The following SUPT3H variants were observed in gnomAD, a reference collection of about 807,000 sequenced individuals.
SUPT3H encodes the protein SPT3 homolog, SAGA and STAGA complex component.
SUPT3H carries 44 observed loss-of-function variants against 44.3 expected under a neutral mutation model. The observed-to-expected ratio is 0.99, with a 90% CI of 0.78 to 1.28. The LOEUF (loss-of-function observed/expected upper bound fraction) is 1.28. Ranked by LOEUF, SUPT3H falls within the 50% of genes most tolerant of loss-of-function variation. The pLI, the probability that SUPT3H is intolerant of heterozygous loss-of-function variation, is 0.00. For missense variants in SUPT3H, 380 were observed against 387.1 expected, an observed-to-expected ratio of 0.98 and a Z score of 0.15; for synonymous variants, 124 against 125.6, an observed-to-expected ratio of 0.99 and a Z score of 0.09.
chr6:45,157,762 T>C (rs1208259908), intron 2 of SUPT3H, among the ~76,000 whole-genome samples: 2 of 151,626 alleles, frequency 1.3e-5, no homozygotes, highest in African/African-American at 4.8e-5. Context: ...TTGGTAAGGC[T>C]GGTCTCAAAC....
At chr6:44,888,376 G>A (rs1390385449) in intron 10 of SUPT3H, among the ~76,000 whole-genome samples, 1 of 151,972 alleles carries the variant, frequency 6.6e-6, no homozygotes, top group Non-Finnish European at 1.5e-5. Context: ...ATAAAATACT[G>A]GCAAACCGAA....
At chr6:44,887,959 T>A (rs1477796169) in intron 10 of SUPT3H, among the ~76,000 whole-genome samples, 1 of 152,054 alleles carries the variant, frequency 6.6e-6, no homozygotes, top group Non-Finnish European at 1.5e-5. Context: ...CCCACAGAAA[T>A]ACAAACTACC....
At chr6:45,090,601 G>GA (rs1461065124) in intron 3 of SUPT3H, among the ~76,000 whole-genome samples, 3 of 151,364 alleles carry the variant, frequency 2.0e-5, no homozygotes, top group Non-Finnish European at 3.0e-5. Flanking sequence ...TGCTTTTAGT[G>GA]AAAAAAAGAA....
intron 6 of SUPT3H, among the ~76,000 whole-genome samples, chr6:44,991,689 A>C (rs1780637010): frequency 6.6e-6 from 1 of 152,116 alleles, no homozygotes; most frequent in Non-Finnish European, 1.5e-5. Context: ...AATTACATTA[A>C]ACAGCTTGAT....
intron 6 of SUPT3H, among the ~76,000 whole-genome samples, chr6:44,991,715 A>T (rs945138981): frequency 5.3e-5 from 8 of 152,140 alleles, no homozygotes; most frequent in Admixed American, 4.6e-4. Flanking sequence ...CATTTTCTAT[A>T]AAGTAGTGGC....
chr6:45,207,837 T>A (rs556042490), intron 2 of SUPT3H, among the ~76,000 whole-genome samples: 1 of 152,312 alleles, frequency 6.6e-6, no homozygotes, highest in Admixed American at 6.5e-5. Context: ...CACCCTCTCC[T>A]GGAGCCTACC....
At chr6:45,019,879 C>A (rs934368844) in intron 4 of SUPT3H, among the ~76,000 whole-genome samples, 2 of 151,786 alleles carry the variant, frequency 1.3e-5, no homozygotes, top group African/African-American at 4.8e-5. Context: ...TTGTAATATT[C>A]TTCATATCAT....
At chr6:45,195,295 C>T (rs564032349) in intron 2 of SUPT3H, among the ~76,000 whole-genome samples, 1 of 152,168 alleles carries the variant, frequency 6.6e-6, no homozygotes, top group East Asian at 1.9e-4. Context: ...GCTTTCCAAC[C>T]CATGCCCTTA....
Position 45,062,205 on chromosome 6 carries a change from T to C in SUPT3H, c.187-41573A>G, listed in dbSNP as rs142080856. ...CCATAATAAAGTTGTTGTAATACTG[T>C]TGGGAAAAGTTATTACATTCATCTT... On this transcript the variant is annotated intron_variant, in intron 3 of 10. Transcript: ENST00000371459. Among the ~76,000 whole-genome samples, 160 of 152,166 alleles carry C rather than the reference T, an allele frequency of 1.1e-3. 2 individuals are homozygous for C. Among genetic ancestry groups the C allele is most frequent in the Admixed American group, 9.2e-3 (141 of 15,270 alleles).
intron 11 of SUPT3H, among the ~76,000 whole-genome samples, chr6:44,814,330 G>A (rs1766753524): frequency 1.3e-5 from 2 of 152,286 alleles, no homozygotes; most frequent in South Asian, 4.1e-4. Flanking sequence ...TTCACTGCTT[G>A]AACCCTAAAG....
At chr6:45,019,554 C>G (rs1255244534) in intron 4 of SUPT3H, among the ~76,000 whole-genome samples, 1 of 152,010 alleles carries the variant, frequency 6.6e-6, no homozygotes, top group Non-Finnish European at 1.5e-5. Flanking sequence ...TTGTTCTATG[C>G]TTACACTTAG....
intron 10 of SUPT3H, among the ~76,000 whole-genome samples, chr6:44,840,285 G>A (rs2153415735): frequency 6.6e-6 from 1 of 152,250 alleles, no homozygotes; most frequent in South Asian, 2.1e-4. Flanking sequence ...TTAGGAGAAG[G>A]GCAAATGGAC....
chr6:45,154,978 G>C (rs1469501605), intron 2 of SUPT3H, among the ~76,000 whole-genome samples: 1 of 152,058 alleles, frequency 6.6e-6, no homozygotes, highest in Non-Finnish European at 1.5e-5. Context: ...AGAAGGTAGT[G>C]TTTGATCTGC....
intron 2 of SUPT3H, among the ~76,000 whole-genome samples, chr6:45,180,004 G>T (rs1375497182): frequency 2.0e-5 from 3 of 152,118 alleles, no homozygotes; most frequent in South Asian, 2.1e-4. Context: ...AAGCTGATAA[G>T]CAACTTCAGC....
intron 2 of SUPT3H, among the ~76,000 whole-genome samples, chr6:45,312,690 G>C (rs932856351): frequency 4.4e-5 from 6 of 135,604 alleles, no homozygotes; most frequent in Non-Finnish European, 8.0e-5. Context: ...TGTGGGGGGG[G>C]GGGGGGACTT....
intron 2 of SUPT3H, among the ~76,000 whole-genome samples, chr6:45,280,132 G>A (rs1287478549): frequency 2.6e-5 from 4 of 152,022 alleles, no homozygotes; most frequent in African/African-American, 4.8e-5. Flanking sequence ...TGTCTAACAC[G>A]GGAAGCCAAA....
At chr6:44,893,732 T>C (rs1422649383) in intron 10 of SUPT3H, among the ~76,000 whole-genome samples, 1 of 146,690 alleles carries the variant, frequency 6.8e-6, no homozygotes, top group African/African-American at 2.5e-5. Flanking sequence ...TTTGGGTATA[T>C]ACCCAGTAAT....
intron 3 of SUPT3H, among the ~76,000 whole-genome samples, chr6:45,068,894 T>C (rs895469790): frequency 5.3e-5 from 8 of 151,994 alleles, no homozygotes; most frequent in African/African-American, 1.9e-4. Context: ...GTTCCATTGA[T>C]GTCACTACTT....
chr6:45,094,043 T>C (rs2153564668), intron 3 of SUPT3H, among the ~76,000 whole-genome samples: 1 of 152,292 alleles, frequency 6.6e-6, no homozygotes, highest in East Asian at 1.9e-4. Flanking sequence ...AATTTCAAGA[T>C]GGCGCAAATC....
Sources: allele counts gnomAD v4.1 joint callset (sites outside exome capture counted in the v4.1 genomes callset), GRCh38; gene constraint gnomAD v4.1.1; transcripts MANE v1.5; gene names NCBI Gene and HGNC (gene_info 2026-07-23, HGNC 2026-07-21).